Variants in COG5 observed in about 807,000 individuals in gnomAD.
COG5 encodes conserved oligomeric Golgi complex subunit 5.
A neutral mutation model predicts 110.4 loss-of-function variants in COG5; 86 were observed. That is an observed-to-expected ratio of 0.78 (90% CI 0.65 to 0.93). The LOEUF (loss-of-function observed/expected upper bound fraction) is 0.93. Ranked by LOEUF, COG5 falls within the 40% of genes least tolerant of loss-of-function variation. The pLI, the probability that COG5 is intolerant of heterozygous loss-of-function variation, is 0.00. For missense variants in COG5, 1,077 were observed against 987.0 expected (o/e 1.09, Z -1.22); for synonymous variants, 360 against 334.6 (o/e 1.08, Z -0.83).
At chr7:107,355,219 T>C (rs1029722541) in intron 10 of COG5, among the ~76,000 whole-genome samples, 2 of 152,196 alleles carry the variant, frequency 1.3e-5, no homozygotes, top group Non-Finnish European at 2.9e-5. Flanking sequence ...TGAGTTACCA[T>C]GACACACCTA....
At chr7:107,283,070 G>A (rs537871679) in intron 13 of COG5, among the ~76,000 whole-genome samples, 1 of 152,262 alleles carries the variant, frequency 6.6e-6, no homozygotes, top group South Asian at 2.1e-4. Context: ...CATTCAGGTG[G>A]CACCTCTGCT....
intron 10 of COG5, among the ~76,000 whole-genome samples, chr7:107,325,241 C>T (rs747891145): frequency 3.3e-5 from 5 of 152,182 alleles, no homozygotes; most frequent in South Asian, 2.1e-4. Context: ...TAGAATCACA[C>T]TCTTAGAAAT....
chr7:107,399,633 A>C lies in COG5; in HGVS notation c.669+12869T>G, dbSNP rs12671093. 8.1e-4 allele frequency among the ~76,000 whole-genome samples: 124 copies of C among 152,242 alleles called. 1 individual carries two copies. The East Asian group carries it at 0.02, about 24-fold the overall frequency. On this transcript the variant is annotated intron_variant, in intron 7 of 21. Transcript: ENST00000297135. ...TCAATTAAACCTCTTTTCTTTATAA[A>C]TTACCCAGTCGTGGGTACGTCTTTA...
intron 10 of COG5, among the ~76,000 whole-genome samples, chr7:107,337,188 G>T (rs186301449): frequency 6.6e-6 from 1 of 151,938 alleles, no homozygotes; most frequent in Non-Finnish European, 1.5e-5. Context: ...GAACACTTAC[G>T]CATTGTTGGT....
chr7:107,221,105 C>A (rs1224717436), intron 19 of COG5, among the ~76,000 whole-genome samples: 1 of 152,150 alleles, frequency 6.6e-6, no homozygotes, highest in Non-Finnish European at 1.5e-5. Context: ...GCATGAGCCA[C>A]TGCACCTGGC....
At chr7:107,344,241 T>C (rs940246340) in intron 10 of COG5, among the ~76,000 whole-genome samples, 3 of 152,230 alleles carry the variant, frequency 2.0e-5, no homozygotes, top group Non-Finnish European at 4.4e-5. Context: ...TTTAGCTAGA[T>C]CTTCTCAATA....
At chr7:107,352,305 TG>T (rs1554420792) in intron 10 of COG5, among the ~76,000 whole-genome samples, 1 of 59,956 alleles carries the variant, frequency 1.7e-5, no homozygotes, top group Admixed American at 2.6e-4. Flanking sequence ...TGTTGTGGGG[TG>T]GGGGGAGGGG....
intron 14 of COG5, among the ~76,000 whole-genome samples, chr7:107,266,602 T>C (rs1254034191): frequency 1.3e-5 from 2 of 152,216 alleles, no homozygotes; most frequent in Non-Finnish European, 2.9e-5. Flanking sequence ...TCCTAGGTTG[T>C]AAACTTTCTT....
At chr7:107,407,990 C>A (rs1187162447) in intron 7 of COG5, among the ~76,000 whole-genome samples, 3 of 152,200 alleles carry the variant, frequency 2.0e-5, no homozygotes, top group South Asian at 2.1e-4. Flanking sequence ...ATATTAAGAT[C>A]ACTGTGGAAG....
chr7:107,405,427 C>T (rs531248104), intron 7 of COG5, among the ~76,000 whole-genome samples: 1 of 152,248 alleles, frequency 6.6e-6, no homozygotes, highest in South Asian at 2.1e-4. Context: ...CTTTCTACTA[C>T]GACAGCCTGC....
At chr7:107,350,064 T>A (rs1340033174) in intron 10 of COG5, among the ~76,000 whole-genome samples, 1 of 152,206 alleles carries the variant, frequency 6.6e-6, no homozygotes, top group Non-Finnish European at 1.5e-5. Context: ...ATTTCCAGTT[T>A]GCCTAGAACT....
intron 12 of COG5, among the ~76,000 whole-genome samples, chr7:107,290,381 A>T (rs576075205): frequency 7.9e-5 from 12 of 152,084 alleles, no homozygotes; most frequent in African/African-American, 2.9e-4. Context: ...TGCAAAATAA[A>T]CCTCTAAATT....
intron 14 of COG5, among the ~76,000 whole-genome samples, chr7:107,263,821 TATA>T (rs1471072990): frequency 3.3e-5 from 5 of 152,194 alleles, no homozygotes; most frequent in African/African-American, 1.2e-4. Context: ...ACTACATAGC[TATA>T]ATAACATGAA....
chr7:107,562,315 T>A (rs1803881331), intron 1 of COG5, among the ~76,000 whole-genome samples: 1 of 152,178 alleles, frequency 6.6e-6, no homozygotes, highest in Non-Finnish European at 1.5e-5. Context: ...CTGAAATACA[T>A]CCTACTGAAA....
chr7:107,427,395 T>C (rs978976513), intron 6 of COG5, among the ~76,000 whole-genome samples: 4 of 152,224 alleles, frequency 2.6e-5, no homozygotes, highest in Admixed American at 6.5e-5. Context: ...GTGAAAACAC[T>C]GCACACACAA....
intron 3 of COG5, chr7:107,549,354 C>T (rs1411720111): frequency 6.6e-6 from 1 of 152,158 alleles, no homozygotes; most frequent in Non-Finnish European, 1.5e-5. Context: ...CTCAGAAATT[C>T]ACAGCAGTTG....
At chr7:107,544,951 G>A (rs1406360531) in intron 5 of COG5, among the ~76,000 whole-genome samples, 1 of 152,020 alleles carries the variant, frequency 6.6e-6, no homozygotes, top group Admixed American at 6.6e-5. Flanking sequence ...CCATAAGAAT[G>A]AACCAAACTG....
At chr7:107,224,318 T>C (rs956210558) in intron 19 of COG5, among the ~76,000 whole-genome samples, 2 of 152,220 alleles carry the variant, frequency 1.3e-5, no homozygotes, top group Non-Finnish European at 2.9e-5. Flanking sequence ...ATACAAACTG[T>C]AGACCTAGAA....
chr7:107,218,515 T>C (rs1022383977), intron 19 of COG5, among the ~76,000 whole-genome samples: 6 of 151,792 alleles, frequency 4.0e-5, no homozygotes, highest in Admixed American at 6.6e-5. Flanking sequence ...CACTAAGAAA[T>C]AGAACAGAAC....
Sources: gnomAD v4.1 joint callset for allele counts (sites outside exome capture counted in the v4.1 genomes callset) on GRCh38, gnomAD v4.1.1 for gene constraint, MANE v1.5 for transcripts, NCBI Gene and HGNC (gene_info 2026-07-23, HGNC 2026-07-21) for gene names.